CNTNAP2: variants seen among roughly 807,000 people sequenced by gnomAD.
CNTNAP2 encodes the protein contactin-associated protein-like 2.
CNTNAP2 carries 98 observed loss-of-function variants against 155.2 expected under a neutral mutation model. The ratio of observed to expected loss-of-function variants is 0.63; its 90% CI spans 0.54 to 0.75. CNTNAP2 has a LOEUF of 0.75. Ranked by LOEUF, CNTNAP2 falls within the 30% of genes least tolerant of loss-of-function variation. The pLI is 0.00. For missense variants in CNTNAP2, 1,727 were observed against 1,688.1 expected (o/e 1.02, Z -0.40); for synonymous variants, 651 against 631.2 (o/e 1.03, Z -0.47).
intron 21 of CNTNAP2, among the ~76,000 whole-genome samples, chr7:148,308,558 T>G (rs559303558): frequency 7.2e-5 from 1 of 13,948 alleles, no homozygotes; most frequent in African/African-American, 1.7e-4. Context: ...TATGTATTTA[T>G]TTATTTATTT....
At chr7:146,623,662 T>A (rs961739404) in intron 1 of CNTNAP2, among the ~76,000 whole-genome samples, 8 of 152,210 alleles carry the variant, frequency 5.3e-5, no homozygotes, top group Non-Finnish European at 8.8e-5. Flanking sequence ...ACTGACATTT[T>A]GGTTGTTTCC....
chr7:148,061,994 G>GATAAACAGAT (rs1563185544), intron 15 of CNTNAP2, among the ~76,000 whole-genome samples: 1 of 126,878 alleles, frequency 7.9e-6, no homozygotes, highest in African/African-American at 3.9e-5. Flanking sequence ...TAGATAGATA[G>GATAAACAGAT]ATAGATAGAT....
chr7:147,643,927 G>A (rs1286482508), intron 13 of CNTNAP2, among the ~76,000 whole-genome samples: 3 of 151,948 alleles, frequency 2.0e-5, no homozygotes, highest in African/African-American at 4.8e-5. Context: ...ATTTTTACAA[G>A]GATAGTAATA....
At chr7:146,480,574 G>A (rs1460171191) in intron 1 of CNTNAP2, among the ~76,000 whole-genome samples, 5 of 151,460 alleles carry the variant, frequency 3.3e-5, no homozygotes, top group African/African-American at 1.2e-4. Flanking sequence ...GTTGCAGAAT[G>A]CAAGCTCCCA....
At chr7:147,926,566 T>C (rs1261416727) in intron 14 of CNTNAP2, among the ~76,000 whole-genome samples, 1 of 152,222 alleles carries the variant, frequency 6.6e-6, no homozygotes, top group Non-Finnish European at 1.5e-5. Flanking sequence ...GTCACTGTGA[T>C]CTACATGTAA....
At chr7:146,845,610 A>G (rs1803826509) in intron 3 of CNTNAP2, among the ~76,000 whole-genome samples, 1 of 152,098 alleles carries the variant, frequency 6.6e-6, no homozygotes, top group South Asian at 2.1e-4. Context: ...ATTTTTAGTC[A>G]CCCTCTATGT....
In CNTNAP2 at chr7:146,317,302, CA is replaced by C. The variant is rs370234781; in HGVS notation, c.97+200330del. ...CTAAGCTCTAATATAAGTTCCAAGA[CA>C]GGCTAAATCCAGTATACTGCCTTGT... On this transcript the variant is annotated intron_variant, in intron 1 of 23. Coordinates refer to ENST00000361727, the MANE Select transcript of CNTNAP2 (RefSeq NM_014141.6). Among the ~76,000 whole-genome samples the C allele has an allele frequency of 1.5e-3, 228 of 152,286 alleles. 1 individual carries two copies. Among genetic ancestry groups the C allele is most frequent in the African/African-American group, 5.1e-3 (211 of 41,562 alleles).
chr7:146,916,213 G>A (rs568728795), intron 3 of CNTNAP2, among the ~76,000 whole-genome samples: 1 of 152,052 alleles, frequency 6.6e-6, no homozygotes, highest in Non-Finnish European at 1.5e-5. Context: ...TGTTGGACTT[G>A]GTTAGCTAGT....
At chr7:146,257,262 C>T (rs1799853982) in intron 1 of CNTNAP2, among the ~76,000 whole-genome samples, 1 of 152,114 alleles carries the variant, frequency 6.6e-6, no homozygotes, top group Admixed American at 6.5e-5. Flanking sequence ...AACCCAGCAA[C>T]AAAAAGTACA....
At chr7:147,894,961 CTTTCTT>C (rs1325194215) in intron 13 of CNTNAP2, among the ~76,000 whole-genome samples, 20 of 35,646 alleles carry the variant, frequency 5.6e-4, no homozygotes, top group African/African-American at 4.0e-3. Flanking sequence ...TTCTTTCTTT[CTTTCTT>C]TTTTTTTTTT....
intron 3 of CNTNAP2, among the ~76,000 whole-genome samples, chr7:146,942,558 G>T (rs552522063): frequency 6.6e-6 from 1 of 151,902 alleles, no homozygotes; most frequent in Non-Finnish European, 1.5e-5. Flanking sequence ...CAAAAAACTT[G>T]CATAAATTAA....
chr7:147,887,858 C>A (rs1315235821), intron 13 of CNTNAP2, among the ~76,000 whole-genome samples: 1 of 151,988 alleles, frequency 6.6e-6, no homozygotes, highest in Non-Finnish European at 1.5e-5. Flanking sequence ...AGAAATTATC[C>A]CTTGAAGCTA....
At chr7:148,202,338 C>A (rs1795381635) in intron 18 of CNTNAP2, among the ~76,000 whole-genome samples, 1 of 152,240 alleles carries the variant, frequency 6.6e-6, no homozygotes, top group East Asian at 1.9e-4. Flanking sequence ...CAAACATATA[C>A]ATAATTTCTG....
chr7:147,272,726 C>G (rs1804784012), intron 8 of CNTNAP2, among the ~76,000 whole-genome samples: 1 of 150,016 alleles, frequency 6.7e-6, no homozygotes, highest in African/African-American at 2.5e-5. Flanking sequence ...CCAGGATGCT[C>G]TCGATCTCCT....
chr7:147,386,786 G>C (rs969501862), intron 9 of CNTNAP2, among the ~76,000 whole-genome samples: 3 of 152,122 alleles, frequency 2.0e-5, no homozygotes, highest in Non-Finnish European at 4.4e-5. Context: ...CACATTTTCA[G>C]GATTCTTTTC....
At chr7:147,046,757 C>T (rs112630159) in intron 4 of CNTNAP2, among the ~76,000 whole-genome samples, 15,917 of 152,046 alleles carry the variant, frequency 0.1, 1,168 homozygotes, top group East Asian at 0.31. Flanking sequence ...AGGCCGGGCG[C>T]GGTGGCTCAC....
At chr7:148,001,787 G>C (rs368845271) in intron 15 of CNTNAP2, among the ~76,000 whole-genome samples, 13 of 152,192 alleles carry the variant, frequency 8.5e-5, no homozygotes, top group East Asian at 1.9e-4. Context: ...GCATATAAAA[G>C]AGTTACAAAA....
intron 1 of CNTNAP2, among the ~76,000 whole-genome samples, chr7:146,675,202 T>C (rs1357610898): frequency 1.3e-5 from 2 of 152,108 alleles, no homozygotes; most frequent in Non-Finnish European, 2.9e-5. Context: ...ATAATTAACA[T>C]TTTTGGCTTC....
chr7:146,817,820 C>T (rs1257252203), intron 2 of CNTNAP2, among the ~76,000 whole-genome samples: 2 of 152,102 alleles, frequency 1.3e-5, no homozygotes, highest in Admixed American at 6.6e-5. Flanking sequence ...TCACCTCCAA[C>T]ATTGCGGATT....
Sources: allele counts gnomAD v4.1 joint callset (sites outside exome capture counted in the v4.1 genomes callset), GRCh38; gene constraint gnomAD v4.1.1; transcripts MANE v1.5; gene names NCBI Gene and HGNC (gene_info 2026-07-23, HGNC 2026-07-21).